STK33: variants seen among roughly 807,000 people sequenced by gnomAD.
STK33 encodes the protein serine/threonine kinase 33.
A neutral mutation model predicts 58.0 loss-of-function variants in STK33; 52 were observed. The ratio of observed to expected loss-of-function variants is 0.90; its 90% CI spans 0.72 to 1.13. STK33 has a LOEUF of 1.13. Ranked by LOEUF, STK33 falls within the 50% of genes most tolerant of loss-of-function variation. The pLI is 0.00. For synonymous variants in STK33, 215 were observed against 200.1 expected, an observed-to-expected ratio of 1.07 and a Z score of -0.63; for missense variants, 630 against 604.2, an observed-to-expected ratio of 1.04 and a Z score of -0.45.
In STK33 at chr11:8,499,598, G is replaced by C. The variant is rs374556412; in HGVS notation, c.-465-18984C>G. Reference sequence around the variant, plus strand: ...ATATACCCAAAGGATTATAAATCACGCTACTATAAAGACACATGCACACGT... The same window carrying C: ...ATATACCCAAAGGATTATAAATCACCCTACTATAAAGACACATGCACACGT... On this transcript the variant is annotated intron_variant, in intron 1 of 15. Coordinates refer to ENST00000687296, the MANE Select transcript of STK33 (RefSeq NM_001352389.2). Among the ~76,000 whole-genome samples the C allele has an allele frequency of 2.0e-5, 3 of 152,084 alleles. No homozygotes were observed. In the East Asian group the frequency reaches 5.8e-4, roughly 29 times the overall value.
chr11:8,480,331 A>G (rs1949693750), intron 2 of STK33, among the ~76,000 whole-genome samples, 79 bp downstream of exon 2: 1 of 152,232 alleles, frequency 6.6e-6, no homozygotes, highest in African/African-American at 2.4e-5. Context: ...CCCTAAAATT[A>G]TATGAAGATG....
chr11:8,495,932 A>C (rs1191447794), intron 1 of STK33, among the ~76,000 whole-genome samples: 1 of 147,426 alleles, frequency 6.8e-6, no homozygotes, highest in Non-Finnish European at 1.5e-5. Context: ...GGAATATCAC[A>C]CACTGGGGCC....
At chr11:8,543,282 G>A (rs1955664669) in intron 1 of STK33, among the ~76,000 whole-genome samples, 2 of 152,116 alleles carry the variant, frequency 1.3e-5, no homozygotes, top group South Asian at 4.1e-4. Context: ...CAGTGATTAA[G>A]AGCTCAAAAA....
chr11:8,534,405 GT>G (rs1954799244), intron 1 of STK33, among the ~76,000 whole-genome samples: 1 of 152,018 alleles, frequency 6.6e-6, no homozygotes, highest in Non-Finnish European at 1.5e-5. Context: ...ACACTGCAAT[GT>G]TTTACAAACT....
At chr11:8,384,975 C>T in the STK33 span, among the ~76,000 whole-genome samples, 1 of 152,176 alleles carries the variant, frequency 6.6e-6, no homozygotes, top group Non-Finnish European at 1.5e-5. Flanking sequence ...GGGCAGGACC[C>T]TACACTAGAA....
At chr11:8,390,472 C>T (rs548669280), downstream of STK33, among the ~76,000 whole-genome samples, 1 of 152,176 alleles carries the variant, frequency 6.6e-6, no homozygotes, top group African/African-American at 2.4e-5. Context: ...CCATATATCC[C>T]CAGACCTTAA....
chr11:8,465,123 A>C, intron 6 of STK33: 1 of 190,300 alleles, frequency 5.3e-6, no homozygotes, highest in Non-Finnish European at 1.1e-5. Flanking sequence ...ATATTAATGA[A>C]ATATCTTCAT....
chr11:8,416,101 C>T (rs1941080363), intron 14 of STK33, among the ~76,000 whole-genome samples: 2 of 152,124 alleles, frequency 1.3e-5, no homozygotes, highest in Admixed American at 6.5e-5. Flanking sequence ...TTTGTGTTGC[C>T]TCCTTTTCTC....
At chr11:8,520,926 A>T (rs1953364899) in intron 1 of STK33, among the ~76,000 whole-genome samples, 1 of 152,058 alleles carries the variant, frequency 6.6e-6, no homozygotes, top group Non-Finnish European at 1.5e-5. Flanking sequence ...TGCACAAGGT[A>T]ATTTATAACG....
chr11:8,420,929 G>A (rs1941820990), intron 14 of STK33, among the ~76,000 whole-genome samples: 1 of 148,548 alleles, frequency 6.7e-6, no homozygotes, highest in South Asian at 2.4e-4. Context: ...GAGCCCAGGA[G>A]TTAGAGGCTG....
At chr11:8,490,134 G>A (rs1950497172) in intron 1 of STK33, among the ~76,000 whole-genome samples, 1 of 152,256 alleles carries the variant, frequency 6.6e-6, no homozygotes, top group African/African-American at 2.4e-5. Context: ...CCCAGGAAGT[G>A]CAGGGGTCGA....
At chr11:8,518,219 G>C (rs1003782180) in intron 1 of STK33, among the ~76,000 whole-genome samples, 5 of 152,150 alleles carry the variant, frequency 3.3e-5, no homozygotes, top group African/African-American at 7.2e-5. Context: ...TTTCAACCCA[G>C]AATTTCATAT....
chr11:8,448,188 G>A (rs1242657089), intron 11 of STK33, among the ~76,000 whole-genome samples: 4 of 152,096 alleles, frequency 2.6e-5, no homozygotes, highest in Middle Eastern at 3.2e-3. Context: ...AATCAATATC[G>A]TGAAAATGGC....
chr11:8,553,336 T>C lies in STK33; in HGVS notation c.-466+40747A>G, dbSNP rs918290014. 3.3e-5 allele frequency among the ~76,000 whole-genome samples: 5 copies of C among 150,482 alleles called. No individual in the cohort carries two copies. The South Asian group carries it at 8.4e-4, about 25-fold the overall frequency. ...TCTAGCATTATGTACTTTACATAAG[T>C]ATATGTCCCACACTTTTATACAACT... On this transcript the variant is annotated intron_variant, in intron 1 of 15. Coordinates refer to ENST00000687296, the MANE Select transcript of STK33 (RefSeq NM_001352389.2).
chr11:8,575,315 C>A (rs1421727305), intron 1 of STK33, among the ~76,000 whole-genome samples: 1 of 152,154 alleles, frequency 6.6e-6, no homozygotes, highest in East Asian at 1.9e-4. Context: ...TCACTCACTG[C>A]AGCATTATTT....
chr11:8,536,836 T>C (rs1012556115), intron 1 of STK33, among the ~76,000 whole-genome samples: 5 of 150,524 alleles, frequency 3.3e-5, no homozygotes, highest in Admixed American at 3.3e-4. Context: ...TGGAGTACAA[T>C]GGCATGATGA....
chr11:8,448,535 C>T (rs1296667794), intron 11 of STK33, among the ~76,000 whole-genome samples: 7 of 152,096 alleles, frequency 4.6e-5, no homozygotes, highest in East Asian at 1.9e-4. Flanking sequence ...AATGCGGAAA[C>T]GATTCCCTAT....
chr11:8,336,281 C>G, the STK33 span, among the ~76,000 whole-genome samples: 1 of 152,264 alleles, frequency 6.6e-6, no homozygotes, highest in African/African-American at 2.4e-5. Flanking sequence ...TGCCAGGCAC[C>G]AGGCTGTGGG....
intron 1 of STK33, among the ~76,000 whole-genome samples, chr11:8,511,118 T>C (rs2139454160): frequency 6.6e-6 from 1 of 152,360 alleles, no homozygotes; most frequent in East Asian, 1.9e-4. Context: ...TACCCATCCA[T>C]GAAGTTGGGA....
Sources: gnomAD v4.1 joint callset for allele counts (sites outside exome capture counted in the v4.1 genomes callset) on GRCh38, gnomAD v4.1.1 for gene constraint, MANE v1.5 for transcripts, NCBI Gene and HGNC (gene_info 2026-07-23, HGNC 2026-07-21) for gene names.